Variants in SMOC2 observed in about 807,000 individuals in gnomAD.
SMOC2 encodes the protein SPARC-related modular calcium-binding protein 2.
A neutral mutation model predicts 61.4 loss-of-function variants in SMOC2; 39 were observed. The observed-to-expected ratio is 0.64, with a 90% CI of 0.49 to 0.83. SMOC2 has a LOEUF of 0.83. Among genes scored for constraint, SMOC2 ranks in the 40% least tolerant of loss-of-function variants. The pLI is 0.00. For missense variants in SMOC2, 556 were observed against 592.9 expected, an observed-to-expected ratio of 0.94 and a Z score of 0.65; for synonymous variants, 247 against 239.9, an observed-to-expected ratio of 1.03 and a Z score of -0.27.
At chr6:168,532,044 T>A (rs940268863) in intron 4 of SMOC2, among the ~76,000 whole-genome samples, 10 of 152,232 alleles carry the variant, frequency 6.6e-5, no homozygotes, top group Admixed American at 3.9e-4. Flanking sequence ...CTTCATGTTC[T>A]GCGCTGCTGA....
At chr6:168,526,544 A>G (rs1783459364) in intron 3 of SMOC2, 92 bp downstream of exon 3, 1 of 988,402 alleles carries the variant, frequency 1.0e-6, no homozygotes, top group Admixed American at 1.9e-5. Context: ...GGGGGAGCCG[A>G]ACAGAAGAAG....
At chr6:168,518,653 G>C (rs1263442525) in intron 2 of SMOC2, among the ~76,000 whole-genome samples, 1 of 150,972 alleles carries the variant, frequency 6.6e-6, no homozygotes, top group Non-Finnish European at 1.5e-5. Context: ...GCTTGTGTGG[G>C]TGTGTATGTA....
intron 11 of SMOC2, among the ~76,000 whole-genome samples, chr6:168,654,354 T>A (rs1158581791): frequency 2.4e-5 from 1 of 42,408 alleles, no homozygotes; most frequent in African/African-American, 6.6e-5. Context: ...ACCCTCTACC[T>A]GAGCTCCAAC....
At chr6:168,623,322 A>T (rs2115234829) in intron 9 of SMOC2, among the ~76,000 whole-genome samples, 1 of 118,102 alleles carries the variant, frequency 8.5e-6, no homozygotes, top group South Asian at 2.7e-4. Flanking sequence ...TGAGACATGG[A>T]TAATTAATTT....
At chr6:168,600,237 C>T (rs1168576920) in intron 8 of SMOC2, among the ~76,000 whole-genome samples, 1 of 151,946 alleles carries the variant, frequency 6.6e-6, no homozygotes, top group African/African-American at 2.4e-5. Context: ...GAAACCCTGT[C>T]ACTAGTAAAA....
intron 7 of SMOC2, among the ~76,000 whole-genome samples, chr6:168,574,789 A>C (rs564512844): frequency 6.4e-4 from 98 of 152,278 alleles, no homozygotes; most frequent in Non-Finnish European, 1.9e-4. Context: ...CTCACTTCAG[A>C]CAGCCAGGAG....
At chr6:168,473,931 G>A (rs1401261589) in intron 1 of SMOC2, among the ~76,000 whole-genome samples, 1 of 152,100 alleles carries the variant, frequency 6.6e-6, no homozygotes, top group Admixed American at 6.5e-5. Context: ...TGGAGACAGA[G>A]TCTTGTCCCT....
In SMOC2 at chr6:168,441,417, T is replaced by C; in HGVS notation, c.47T>C (p.Leu16Pro). The change falls in exon 1 of 13, where the codon CTC becomes CCC. Residue 16 changes from leucine (L) to proline (P), a missense_variant. Leu to Pro is a moderately conservative substitution (Grantham distance 98). Coordinates refer to ENST00000356284, the MANE Select transcript of SMOC2 (RefSeq NM_001166412.2). ...TGGCTGCCGCTGCTCGCTGGGCTGC[T>C]CCCGCCGGTGCCCGCTCAGAAGTTC... ...LCWLPLLAGL[L>P]PPVPAQKFSA... 1 of 1,509,150 alleles carries C rather than the reference T, an allele frequency of 6.6e-7. No homozygotes were observed. Among genetic ancestry groups the C allele is most frequent in the Non-Finnish European group, 8.8e-7 (1 of 1,133,360 alleles). 93.5% of individuals were successfully genotyped at this position (1,509,150 alleles called of 1,614,324 possible).
chr6:168,567,446 TTC>T (rs1220897026), intron 7 of SMOC2, among the ~76,000 whole-genome samples: 2 of 152,216 alleles, frequency 1.3e-5, no homozygotes, highest in Admixed American at 1.3e-4. Context: ...CTTAAGATAT[TTC>T]TCTTTGTTTA....
At chr6:168,657,852 A>G (rs926301551) in intron 11 of SMOC2, among the ~76,000 whole-genome samples, 3 of 152,150 alleles carry the variant, frequency 2.0e-5, no homozygotes, top group African/African-American at 7.2e-5. Flanking sequence ...GCATTCACCT[A>G]TTCGTGAGGG....
intron 7 of SMOC2, among the ~76,000 whole-genome samples, chr6:168,589,556 G>A (rs1785124139): frequency 1.3e-5 from 2 of 152,268 alleles, no homozygotes; most frequent in Admixed American, 1.3e-4. Flanking sequence ...TGGGCAGAGG[G>A]AACCTGTGGG....
At chr6:168,599,395 C>T in intron 8 of SMOC2, among the ~76,000 whole-genome samples, 1 of 96,286 alleles carries the variant, frequency 1.0e-5, no homozygotes, top group East Asian at 3.6e-4. Flanking sequence ...CACTCACACA[C>T]ACACTGACAC....
chr6:168,540,615 C>T (rs982859145), intron 4 of SMOC2, among the ~76,000 whole-genome samples: 3 of 152,222 alleles, frequency 2.0e-5, no homozygotes, highest in African/African-American at 4.8e-5. Context: ...CTCCCTGCAG[C>T]GCCACATCCT....
chr6:168,520,045 T>G (rs892407596), intron 2 of SMOC2, among the ~76,000 whole-genome samples: 11 of 152,142 alleles, frequency 7.2e-5, no homozygotes, highest in Non-Finnish European at 1.3e-4. Flanking sequence ...GTCGTTCTGG[T>G]CATGGTTGAG....
chr6:168,470,747 G>A (rs905298828), intron 1 of SMOC2, among the ~76,000 whole-genome samples: 41 of 152,130 alleles, frequency 2.7e-4, no homozygotes, highest in African/African-American at 9.9e-4. Flanking sequence ...ACATTACTTT[G>A]TTCTATGTTT....
chr6:168,617,574 G>T (rs1035638634), intron 9 of SMOC2, among the ~76,000 whole-genome samples: 13 of 152,180 alleles, frequency 8.5e-5, no homozygotes, highest in Admixed American at 7.9e-4. Flanking sequence ...ACATCCGCTT[G>T]GACAAGTCCT....
chr6:168,503,139 C>T (rs778260286), intron 1 of SMOC2, among the ~76,000 whole-genome samples: 51 of 132,784 alleles, frequency 3.8e-4, no homozygotes, highest in Admixed American at 7.3e-4. Flanking sequence ...AGTGCAGTGG[C>T]GCAATCTCTG....
intron 4 of SMOC2, among the ~76,000 whole-genome samples, chr6:168,534,651 T>C (rs886816039): frequency 2.0e-5 from 3 of 152,268 alleles, no homozygotes; most frequent in Non-Finnish European, 4.4e-5. Context: ...GAAAAATATT[T>C]ATTACTTTTA....
intron 7 of SMOC2, among the ~76,000 whole-genome samples, chr6:168,575,673 T>C (rs58802054): frequency 0.016 from 2,436 of 152,272 alleles, 60 homozygotes; most frequent in African/African-American, 0.056. Flanking sequence ...AAAAAATAAA[T>C]CATGCTAAAT....
Sources: allele counts gnomAD v4.1 joint callset (sites outside exome capture counted in the v4.1 genomes callset), GRCh38; gene constraint gnomAD v4.1.1; transcripts MANE v1.5; gene names NCBI Gene and HGNC (gene_info 2026-07-23, HGNC 2026-07-21).